Variants in PTPRD observed in about 807,000 individuals in gnomAD.
PTPRD encodes the protein receptor-type tyrosine-protein phosphatase delta.
Under a neutral mutation model 214.5 loss-of-function variants are expected in PTPRD, and 34 were observed. That is an observed-to-expected ratio of 0.16 (90% CI 0.12 to 0.21). The LOEUF (loss-of-function observed/expected upper bound fraction) is 0.21. Among genes scored for constraint, PTPRD ranks in the 10% least tolerant of loss-of-function variants. PTPRD has a pLI of 1.00. For missense variants in PTPRD, 2,545 were observed against 2,398.7 expected (o/e 1.06, Z -1.27); for synonymous variants, 1,128 against 845.7 (o/e 1.33, Z -5.79).
At chr9:8,860,551 G>C (rs2098083107) in intron 11 of PTPRD, 1 of 152,186 alleles carries the variant, frequency 6.6e-6, no homozygotes, top group Non-Finnish European at 1.5e-5. Context: ...AAAAACGGGA[G>C]ATACAGCAAA....
intron 8 of PTPRD, among the ~76,000 whole-genome samples, chr9:9,527,583 G>A (rs1357881206): frequency 6.6e-6 from 1 of 152,106 alleles, no homozygotes; most frequent in Admixed American, 6.5e-5. Flanking sequence ...AAATTTCTTA[G>A]AATTGTTTCA....
chr9:9,414,757 A>C (rs1474432775), intron 8 of PTPRD: 14 of 152,272 alleles, frequency 9.2e-5, no homozygotes, highest in Admixed American at 9.2e-4. Context: ...CTTACCAGGT[A>C]GCTATCATCT....
Position 8,713,849 on chromosome 9 carries a change from G to A in PTPRD, c.64+19931C>T, listed in dbSNP as rs932386555. ...CCCAACACCTTCTTCTAGGTGCAGG[G>A]CCCTCGCCCGGGTGCGCCCCAAATA... On this transcript the variant is annotated intron_variant, in intron 12 of 45. Transcript: ENST00000381196. The A allele has an allele frequency of 5.0e-6, 7 of 1,409,210 alleles. No individual in the cohort carries two copies. In the African/African-American group the frequency reaches 8.6e-5, roughly 17 times the overall value. 87.3% of individuals were successfully genotyped at this position (1,409,210 alleles called of 1,614,324 possible).
chr9:8,545,215 A>G (rs1283677135), intron 14 of PTPRD, among the ~76,000 whole-genome samples: 1 of 152,168 alleles, frequency 6.6e-6, no homozygotes, highest in Non-Finnish European at 1.5e-5. Flanking sequence ...ATTTCCCAAC[A>G]TCATGGATAT....
At chr9:9,842,516 A>C (rs545244629) in intron 5 of PTPRD, among the ~76,000 whole-genome samples, 1 of 152,064 alleles carries the variant, frequency 6.6e-6, no homozygotes, top group South Asian at 2.1e-4. Context: ...GGGAGGGAAG[A>C]AAAAAGAAAT....
intron 10 of PTPRD, among the ~76,000 whole-genome samples, chr9:9,111,005 A>G (rs780107134): frequency 3.3e-5 from 5 of 152,030 alleles, no homozygotes; most frequent in Non-Finnish European, 5.9e-5. Flanking sequence ...GATCTCTGTG[A>G]TTGGCACTGG....
chr9:8,719,371 T>A (rs184503579), intron 12 of PTPRD, among the ~76,000 whole-genome samples: 2 of 152,332 alleles, frequency 1.3e-5, no homozygotes, highest in East Asian at 3.9e-4. Flanking sequence ...TGAACATATT[T>A]CTTCTAATTA....
At chr9:10,581,226 G>C (rs1295040483) in intron 2 of PTPRD, among the ~76,000 whole-genome samples, 2 of 152,144 alleles carry the variant, frequency 1.3e-5, no homozygotes, top group African/African-American at 2.4e-5. Flanking sequence ...CACTGTAGAA[G>C]TATTTGTTCA....
At chr9:9,276,747 G>T (rs935358360) in intron 9 of PTPRD, among the ~76,000 whole-genome samples, 1 of 151,322 alleles carries the variant, frequency 6.6e-6, no homozygotes. Flanking sequence ...TTTCTTTAGG[G>T]CATGTTCTCT....
chr9:9,150,109 T>A lies in PTPRD; in HGVS notation c.-143+33195A>T, dbSNP rs117477398. ...GAAATTACAGATCCAGAAAGCTGCC[T>A]TGTTTTTTGAAAACTTAAAAGGTTG... On this transcript the variant is annotated intron_variant, in intron 10 of 45. Transcript: ENST00000381196. 1.6e-4 allele frequency among the ~76,000 whole-genome samples: 25 copies of A among 152,324 alleles called. No homozygotes were observed. In the East Asian group the frequency reaches 4.6e-3, roughly 28 times the overall value.
chr9:10,084,274 T>C (rs1258632886), intron 3 of PTPRD, among the ~76,000 whole-genome samples: 2 of 151,996 alleles, frequency 1.3e-5, no homozygotes, highest in Non-Finnish European at 2.9e-5. Context: ...TAAAATTTTG[T>C]TTCTCCAAAG....
Position 8,546,454 on chromosome 9 carries a change from T to C in PTPRD, c.353-17675A>G, listed in dbSNP as rs189975856. On this transcript the variant is annotated intron_variant, in intron 14 of 45. Transcript: ENST00000381196. ...TCTCAAGAACTATGGGAGAGAACTT[T>C]TCCCCTGGTTTCAGGGGAATATTAT... Among the ~76,000 whole-genome samples, 6 of 152,314 alleles carry C rather than the reference T, an allele frequency of 3.9e-5. No homozygotes were observed. In the East Asian group the frequency reaches 9.6e-4, roughly 24 times the overall value.
intron 5 of PTPRD, among the ~76,000 whole-genome samples, chr9:9,781,811 T>TTTTTG (rs1555056433): frequency 6.6e-6 from 1 of 151,732 alleles, no homozygotes; most frequent in African/African-American, 2.4e-5. Context: ...TTTTTTTTTT[T>TTTTTG]AGACGGAGTC....
intron 27 of PTPRD, among the ~76,000 whole-genome samples, chr9:8,490,022 T>C (rs1387364548): frequency 6.6e-6 from 1 of 152,224 alleles, no homozygotes; most frequent in Non-Finnish European, 1.5e-5. Context: ...AGGTTTCTAA[T>C]GCCTTAGGGT....
chr9:10,069,193 C>T (rs1229705849), intron 3 of PTPRD, among the ~76,000 whole-genome samples: 4 of 151,906 alleles, frequency 2.6e-5, no homozygotes, highest in African/African-American at 4.8e-5. Context: ...AAGACATTTC[C>T]CCCAATCTTC....
chr9:9,460,515 G>A (rs1474560875), intron 8 of PTPRD, among the ~76,000 whole-genome samples: 1 of 151,886 alleles, frequency 6.6e-6, no homozygotes, highest in African/African-American at 2.4e-5. Context: ...TAAAAAGTGG[G>A]CAAAGGACAT....
intron 4 of PTPRD, among the ~76,000 whole-genome samples, chr9:9,960,412 T>C (rs150250943): frequency 2.6e-5 from 4 of 152,244 alleles, no homozygotes; most frequent in Non-Finnish European, 4.4e-5. Context: ...TTTCCACTCC[T>C]GCGCTGTGGC....
chr9:9,021,992 AG>A (rs1032768993), intron 10 of PTPRD, among the ~76,000 whole-genome samples: 10 of 151,830 alleles, frequency 6.6e-5, no homozygotes, highest in African/African-American at 2.4e-4. Flanking sequence ...GGGCAAGGGG[AG>A]GGAGAACATT....
At chr9:9,998,129 A>AAAAAAAAAATATATAT (rs57991748) in intron 4 of PTPRD, among the ~76,000 whole-genome samples, 1 of 91,460 alleles carries the variant, frequency 1.1e-5, no homozygotes. Flanking sequence ...AAAAAAAAAA[A>AAAAAAAAAATATATAT]ATATATATAT....
Sources: allele counts gnomAD v4.1 joint callset (sites outside exome capture counted in the v4.1 genomes callset), GRCh38; gene constraint gnomAD v4.1.1; transcripts MANE v1.5; gene names NCBI Gene and HGNC (gene_info 2026-07-23, HGNC 2026-07-21).